ZDHHC7: variants seen among roughly 807,000 people sequenced by gnomAD.
The protein encoded by ZDHHC7 is palmitoyltransferase ZDHHC7.
ZDHHC7 carries 12 observed loss-of-function variants against 34.1 expected under a neutral mutation model. That is an observed-to-expected ratio of 0.35 (90% CI 0.23 to 0.57). ZDHHC7 has a LOEUF of 0.57. Among genes scored for constraint, ZDHHC7 ranks in the 20% least tolerant of loss-of-function variants. The pLI, the probability that ZDHHC7 is intolerant of heterozygous loss-of-function variation, is 0.84. For synonymous variants in ZDHHC7, 185 were observed against 155.4 expected (o/e 1.19, Z -1.42); for missense variants, 388 against 402.7 (o/e 0.96, Z 0.31).
upstream of ZDHHC7, among the ~76,000 whole-genome samples, chr16:85,016,161 ATTTT>A (rs1464521364): frequency 1.3e-5 from 2 of 151,970 alleles, no homozygotes; most frequent in Non-Finnish European, 2.9e-5. Context: ...TTAGAATTTT[ATTTT>A]TTTAACTTTT....
chr16:85,005,900 T>C (rs944080280), intron 1 of ZDHHC7, among the ~76,000 whole-genome samples: 2 of 152,190 alleles, frequency 1.3e-5, no homozygotes, highest in African/African-American at 2.4e-5. Context: ...AATTCCTCCA[T>C]TCCTACATGT....
At chr16:84,984,551 G>C (rs757656516) in intron 3 of ZDHHC7, among the ~76,000 whole-genome samples, 4 of 152,164 alleles carry the variant, frequency 2.6e-5, no homozygotes, top group East Asian at 1.9e-4. Context: ...TACACTTCTG[G>C]AAAGCGGCTA....
chr16:84,978,140 C>T (rs2072322424), intron 5 of ZDHHC7, 135 bp from the exon 6 acceptor site: 2 of 587,396 alleles, frequency 3.4e-6, no homozygotes, highest in South Asian at 2.3e-5. Context: ...CAGACTCAAG[C>T]GATTCTCCTG....
At chr16:85,001,000 C>A (rs1054847520) in intron 1 of ZDHHC7, among the ~76,000 whole-genome samples, 5 of 152,136 alleles carry the variant, frequency 3.3e-5, no homozygotes, top group African/African-American at 9.7e-5. Context: ...CAAGAGAGGA[C>A]AATCATGTGA....
At chr16:84,982,034 A>T in intron 3 of ZDHHC7, 40 bp from the exon 4 acceptor site, 1 of 1,612,200 alleles carries the variant, frequency 6.2e-7, no homozygotes, top group Non-Finnish European at 8.5e-7. Context: ...GGGGAGAATG[A>T]AAGTTAAAAA....
At chr16:84,998,162 G>C (rs1407660508) in intron 1 of ZDHHC7, among the ~76,000 whole-genome samples, 3 of 151,398 alleles carry the variant, frequency 2.0e-5, no homozygotes, top group Non-Finnish European at 2.9e-5. Context: ...TACTCGGGAG[G>C]CTGAGACAGG....
intron 3 of ZDHHC7, among the ~76,000 whole-genome samples, chr16:84,985,021 A>C (rs961475597): frequency 6.6e-6 from 1 of 152,208 alleles, no homozygotes; most frequent in Non-Finnish European, 1.5e-5. Flanking sequence ...CACATTCCTC[A>C]GTTCCCATTT....
intron 2 of ZDHHC7, among the ~76,000 whole-genome samples, chr16:84,992,549 C>T (rs1056089865): frequency 1.3e-5 from 2 of 152,256 alleles, no homozygotes; most frequent in Admixed American, 1.3e-4. Context: ...CTTCTCTTAT[C>T]GGTGTTTGCT....
chr16:85,019,389 C>T, the ZDHHC7 span, among the ~76,000 whole-genome samples: 1 of 152,128 alleles, frequency 6.6e-6, no homozygotes, highest in East Asian at 1.9e-4. Flanking sequence ...GCATGCCAGC[C>T]TGGGCAACAG....
chr16:85,009,668 T>C (rs917790827), intron 1 of ZDHHC7, among the ~76,000 whole-genome samples: 1 of 151,666 alleles, frequency 6.6e-6, no homozygotes, highest in African/African-American at 2.4e-5. Flanking sequence ...ATTTCAAATA[T>C]CCCAAGAGCC....
In ZDHHC7 at chr16:84,974,297, C is replaced by T. The variant is rs187918197; in HGVS notation, c.*2046G>A. 4 of 152,294 alleles carry T rather than the reference C, an allele frequency of 2.6e-5. No individual in the cohort carries two copies. The highest frequency in any genetic ancestry group is 1.9e-4 in the East Asian group (1 of 5,186). 9.4% of individuals were successfully genotyped at this position (152,294 alleles called of 1,614,324 possible). On this transcript the variant is annotated 3_prime_UTR_variant, in exon 8 of 8. Coordinates refer to ENST00000313732, the MANE Select transcript of ZDHHC7 (RefSeq NM_017740.3). ...TACTCACTGGGCAACATTTGTGAGT[C>T]GCGCTTGAGTGCCCAGGTCACTTGT...
At chr16:84,986,863 C>T (rs967655745) in intron 3 of ZDHHC7, among the ~76,000 whole-genome samples, 3 of 152,200 alleles carry the variant, frequency 2.0e-5, no homozygotes, top group Non-Finnish European at 4.4e-5. Context: ...GGTTCTAGTT[C>T]AGCCTGGACT....
chr16:85,023,159 C>A, the ZDHHC7 span, among the ~76,000 whole-genome samples: 3 of 150,302 alleles, frequency 2.0e-5, no homozygotes, highest in Non-Finnish European at 4.4e-5. Flanking sequence ...GTTTTCTTTT[C>A]TTTCTTTTCT....
intron 2 of ZDHHC7, among the ~76,000 whole-genome samples, chr16:84,991,652 C>A (rs898499895): frequency 4.7e-5 from 7 of 149,686 alleles, no homozygotes; most frequent in Non-Finnish European, 7.4e-5. Flanking sequence ...CCCTTTGTTG[C>A]CCAAGCTGGA....
chr16:85,006,184 C>A (rs9924112), intron 1 of ZDHHC7, among the ~76,000 whole-genome samples: 1 of 151,740 alleles, frequency 6.6e-6, no homozygotes. Context: ...TAGCGAGACC[C>A]TATCTCTACA....
intron 1 of ZDHHC7, chr16:85,004,992 T>G (rs2072700866): frequency 6.6e-6 from 1 of 152,158 alleles, no homozygotes; most frequent in African/African-American, 2.4e-5. Flanking sequence ...CCAGATGAGG[T>G]GGCCTCCAAG....
chr16:84,976,893 C>G (rs2072305592), intron 7 of ZDHHC7, among the ~76,000 whole-genome samples: 1 of 152,216 alleles, frequency 6.6e-6, no homozygotes. Flanking sequence ...GCTCTGCTGA[C>G]TTGCAAATCA....
At chr16:84,999,426 A>G (rs2072625349) in intron 1 of ZDHHC7, among the ~76,000 whole-genome samples, 1 of 152,228 alleles carries the variant, frequency 6.6e-6, no homozygotes, top group Admixed American at 6.5e-5. Context: ...TACTGTTCAC[A>G]GCAGCTTTGT....
chr16:84,985,374 A>C (rs934918894), intron 3 of ZDHHC7, among the ~76,000 whole-genome samples: 3 of 152,204 alleles, frequency 2.0e-5, no homozygotes, highest in African/African-American at 7.2e-5. Context: ...CCTGTCATGC[A>C]TTCTGGATCC....
Sources: gnomAD v4.1 joint callset for allele counts (sites outside exome capture counted in the v4.1 genomes callset) on GRCh38, gnomAD v4.1.1 for gene constraint, MANE v1.5 for transcripts, NCBI Gene and HGNC (gene_info 2026-07-23, HGNC 2026-07-21) for gene names.